The following SPATA13 variants were observed in gnomAD, a reference collection of about 807,000 sequenced individuals.
SPATA13 encodes the protein spermatogenesis associated 13, also known as spermatogenesis-associated protein 13.
A neutral mutation model predicts 104.0 loss-of-function variants in SPATA13; 50 were observed. The observed-to-expected ratio is 0.48, with a 90% CI of 0.38 to 0.61. SPATA13 has a LOEUF of 0.61. Among genes scored for constraint, SPATA13 ranks in the 20% least tolerant of loss-of-function variants. The pLI, the probability that SPATA13 is intolerant of heterozygous loss-of-function variation, is 0.00. For missense variants in SPATA13, 1,524 were observed against 1,690.6 expected, an observed-to-expected ratio of 0.90 and a Z score of 1.73; for synonymous variants, 606 against 667.5, an observed-to-expected ratio of 0.91 and a Z score of 1.42.
chr13:24,096,134 G>T (rs763642721), intron 3 of SPATA13, among the ~76,000 whole-genome samples: 1 of 152,108 alleles, frequency 6.6e-6, no homozygotes, highest in Non-Finnish European at 1.5e-5. Context: ...TTTTCATTGG[G>T]ATCCTACCAC....
intron 3 of SPATA13, among the ~76,000 whole-genome samples, chr13:24,053,387 G>T (rs61945347): frequency 6.6e-6 from 1 of 152,082 alleles, no homozygotes; most frequent in South Asian, 2.1e-4. Context: ...GCTGATTCAC[G>T]TGGAGTTCCT....
rs1280465000 is a variant in SPATA13 at position 24,051,190 on chromosome 13, C to G, written c.-112+33489C>G. Among the ~76,000 whole-genome samples, 5 of 152,198 alleles carry G rather than the reference C, an allele frequency of 3.3e-5. No homozygotes were observed. Among genetic ancestry groups the G allele is most frequent in the Non-Finnish European group, 7.3e-5 (5 of 68,030 alleles). On this transcript the variant is annotated intron_variant, in intron 3 of 14. Coordinates refer to the SPATA13 transcript ENST00000424834. The surrounding 1 kb of genome is among the most constrained non-coding windows in gnomAD (Gnocchi z 4.2). The stretch of plus-strand genomic sequence containing the variant: ...TTTTGGAGACCCTAGTTCTGCTCCC[C>G]AGTCTCCACGCAGCACATACCTTGT...
chr13:24,099,243 A>G (rs1383828150), intron 3 of SPATA13, among the ~76,000 whole-genome samples: 1 of 152,218 alleles, frequency 6.6e-6, no homozygotes, highest in Non-Finnish European at 1.5e-5. Flanking sequence ...TGGTACAACA[A>G]ATGAGGATGA....
At chr13:24,213,658 T>G (rs1434000928) in intron 1 of SPATA13, among the ~76,000 whole-genome samples, 1 of 152,240 alleles carries the variant, frequency 6.6e-6, no homozygotes, top group East Asian at 1.9e-4. Flanking sequence ...AAAGATCCAG[T>G]TCATCTTTTC....
chr13:24,260,814 C>T (rs777008375), intron 4 of SPATA13, among the ~76,000 whole-genome samples: 36 of 152,172 alleles, frequency 2.4e-4, no homozygotes, highest in Non-Finnish European at 4.3e-4. Flanking sequence ...GTGGATTGTA[C>T]AAGAGACAAT....
At chr13:24,127,282 G>A (rs1047768791) in intron 3 of SPATA13, among the ~76,000 whole-genome samples, 1 of 152,200 alleles carries the variant, frequency 6.6e-6, no homozygotes, top group African/African-American at 2.4e-5. Flanking sequence ...GTAGGGCATT[G>A]CCAGAACCTG....
At chr13:24,279,319 G>A (rs927625348) in intron 4 of SPATA13, among the ~76,000 whole-genome samples, 3 of 152,196 alleles carry the variant, frequency 2.0e-5, no homozygotes, top group African/African-American at 7.2e-5. Flanking sequence ...GGTTGGAGAG[G>A]GGTGGGAGGC....
At chr13:24,160,390 C>T (rs756034670), upstream of SPATA13, among the ~76,000 whole-genome samples, 3 of 152,116 alleles carry the variant, frequency 2.0e-5, no homozygotes, top group Non-Finnish European at 4.4e-5. Context: ...GGATCACAGG[C>T]GCCTGTCACC....
chr13:24,111,081 T>C (rs1258536132), intron 3 of SPATA13, among the ~76,000 whole-genome samples: 1 of 151,996 alleles, frequency 6.6e-6, no homozygotes. Flanking sequence ...CTGATTTTTT[T>C]TGTATTCTTC....
chr13:24,123,130 C>A (rs776141118), intron 3 of SPATA13: 3 of 1,042,528 alleles, frequency 2.9e-6, no homozygotes, highest in Non-Finnish European at 4.5e-6. Context: ...TGGGTAAGGT[C>A]ATCATTTTCT....
chr13:24,084,929 C>T (rs770196848), intron 3 of SPATA13, among the ~76,000 whole-genome samples: 5 of 152,044 alleles, frequency 3.3e-5, no homozygotes, highest in Admixed American at 3.3e-4. Context: ...GCCTTGACAG[C>T]AATTTATAAG....
intron 1 of SPATA13, among the ~76,000 whole-genome samples, chr13:24,190,479 A>G (rs1211073761): frequency 6.7e-6 from 1 of 149,604 alleles, no homozygotes; most frequent in Non-Finnish European, 1.5e-5. Context: ...TCACCATTCT[A>G]GATGCCATAA....
chr13:24,125,278 G>A (rs1190611649), intron 3 of SPATA13, among the ~76,000 whole-genome samples: 2 of 152,148 alleles, frequency 1.3e-5, no homozygotes, highest in African/African-American at 4.8e-5. Flanking sequence ...CTAACACGGC[G>A]GGAGAGGGAG....
rs1441180484 is a variant in SPATA13, at chr13:24,303,254, T to C, written c.*481T>C. On this transcript the variant is annotated 3_prime_UTR_variant, in exon 13 of 13. Transcript: ENST00000382108. Reference sequence around the variant, plus strand: ...GCACGTGTCTGGTCACACTTAGAAATTGAGCTCTTACTCTCTTCTGTAATA... The same window carrying C: ...GCACGTGTCTGGTCACACTTAGAAACTGAGCTCTTACTCTCTTCTGTAATA... 1.9e-5 allele frequency: 8 copies of C among 427,900 alleles called. No individual in the cohort carries two copies. The highest frequency in any genetic ancestry group is 6.8e-5 in the South Asian group (4 of 59,256). 26.5% of individuals were successfully genotyped at this position (427,900 alleles called of 1,614,324 possible).
intron 3 of SPATA13, among the ~76,000 whole-genome samples, chr13:24,119,465 A>G (rs1385740407): frequency 6.6e-6 from 1 of 152,196 alleles, no homozygotes; most frequent in Non-Finnish European, 1.5e-5. Flanking sequence ...CAGCTGCTAG[A>G]TGTTTTTCAG....
chr13:23,997,152 T>G (rs1875733433), intron 2 of SPATA13, among the ~76,000 whole-genome samples: 1 of 152,212 alleles, frequency 6.6e-6, no homozygotes, highest in South Asian at 2.1e-4. Context: ...CAACCATCAG[T>G]TTCAACTGAA....
In SPATA13 at chr13:24,247,364, TG is replaced by T. The variant is rs145756742; in HGVS notation, c.1654-2111del. Among the ~76,000 whole-genome samples the T allele has an allele frequency of 3.1e-3, 474 of 152,208 alleles. 2 individuals are homozygous for T. The highest frequency in any genetic ancestry group is 0.011 in the African/African-American group (441 of 41,550). ...TCTTTGTTGCCACTGATTAACTGTG[TG>T]GCCCTGGGCAAGTCACGTCACTTCT... is the stretch of plus-strand genomic sequence containing the variant. On this transcript the variant is annotated intron_variant, in intron 2 of 12. Transcript: ENST00000382108.
At chr13:24,082,741 AC>A (rs1879569834) in intron 3 of SPATA13, among the ~76,000 whole-genome samples, 1 of 142,572 alleles carries the variant, frequency 7.0e-6, no homozygotes, top group African/African-American at 2.6e-5. Context: ...AATGGCGTGA[AC>A]CCGGGAAGCG....
chr13:24,075,186 C>A (rs1879286428), intron 3 of SPATA13, among the ~76,000 whole-genome samples: 1 of 152,226 alleles, frequency 6.6e-6, no homozygotes, highest in Admixed American at 6.5e-5. Flanking sequence ...TATTTTAAAT[C>A]TGTATGTAGC....
Sources: allele counts gnomAD v4.1 joint callset (sites outside exome capture counted in the v4.1 genomes callset), GRCh38; gene constraint gnomAD v4.1.1; non-coding constraint Gnocchi (gnomAD v3.1); transcripts MANE v1.5; gene names NCBI Gene and HGNC (gene_info 2026-07-23, HGNC 2026-07-21).